MTMR12: variants seen among roughly 807,000 people sequenced by gnomAD.
MTMR12 encodes myotubularin-related protein 12.
MTMR12 carries 33 observed loss-of-function variants against 96.7 expected under a neutral mutation model. The observed-to-expected ratio is 0.34, with a 90% CI of 0.26 to 0.46. The LOEUF is 0.46. Ranked by LOEUF, MTMR12 falls within the 20% of genes least tolerant of loss-of-function variation. The pLI is 1.00. For missense variants in MTMR12, 721 were observed against 896.1 expected (o/e 0.80, Z 2.49); for synonymous variants, 298 against 327.2 (o/e 0.91, Z 0.96).
intron 1 of MTMR12, among the ~76,000 whole-genome samples, chr5:32,297,159 TATA>T (rs1249212794): frequency 6.6e-6 from 1 of 151,774 alleles, no homozygotes; most frequent in East Asian, 1.9e-4. Flanking sequence ...AAGTATTTAA[TATA>T]ATGTTTAACA....
intron 8 of MTMR12, among the ~76,000 whole-genome samples, chr5:32,251,127 C>T (rs1412700597): frequency 6.9e-6 from 1 of 145,004 alleles, no homozygotes; most frequent in Non-Finnish European, 1.5e-5. Flanking sequence ...GGGATCTCGG[C>T]TCACTGCAAG....
intron 1 of MTMR12, among the ~76,000 whole-genome samples, chr5:32,288,418 T>G (rs1483756051): frequency 6.6e-6 from 1 of 152,156 alleles, no homozygotes; most frequent in Non-Finnish European, 1.5e-5. Context: ...CAAGATAATG[T>G]TGATTCTCCT....
At position 32,228,642 on chromosome 5, in the gene MTMR12, A is replaced by T. The variant is rs1006264664; in HGVS notation, c.*1136T>A. ...GATATATATATATCACATATATATC[A>T]TATATATATCATTTAGACAGCAGAT... On this transcript the variant is annotated 3_prime_UTR_variant, in exon 16 of 16. Coordinates refer to ENST00000382142, the MANE Select transcript of MTMR12 (RefSeq NM_001040446.3). 2.8e-5 allele frequency: 4 copies of T among 143,968 alleles called. No homozygotes were observed. The highest frequency in any genetic ancestry group is 1.0e-4 in the African/African-American group (4 of 39,152). The allele number at this position is 143,968 out of a possible 1,614,324, so 8.9% of individuals were successfully genotyped here.
intron 14 of MTMR12, 117 bp downstream of exon 14, chr5:32,234,845 T>G: frequency 1.1e-6 from 1 of 941,822 alleles, no homozygotes; most frequent in Non-Finnish European, 1.6e-6. Flanking sequence ...TATTCCAACT[T>G]TGTTTAGTGT....
chr5:32,272,895 G>C (rs1450530832), intron 3 of MTMR12, among the ~76,000 whole-genome samples: 2 of 152,144 alleles, frequency 1.3e-5, no homozygotes, highest in African/African-American at 2.4e-5. Context: ...CAAGCCCAAG[G>C]CCAGATGGAA....
intron 7 of MTMR12, among the ~76,000 whole-genome samples, chr5:32,260,463 C>A (rs1478241853): frequency 6.6e-6 from 1 of 151,810 alleles, no homozygotes. Context: ...CAAATGCCAA[C>A]TGATTAGTAT....
chr5:32,231,028 T>C (rs1226078009), intron 15 of MTMR12, among the ~76,000 whole-genome samples: 2 of 152,200 alleles, frequency 1.3e-5, no homozygotes, highest in African/African-American at 4.8e-5. Flanking sequence ...TTTCACATTT[T>C]CATATTTCCC....
chr5:32,263,341 A>G (rs760442081), intron 6 of MTMR12, 99 bp from the exon 7 acceptor site: 87 of 1,425,624 alleles, frequency 6.1e-5, no homozygotes, highest in Non-Finnish European at 8.0e-5. Flanking sequence ...TTCCTCCACT[A>G]AGCCCATTTT....
At chr5:32,237,107 C>T (rs961829126) in intron 13 of MTMR12, among the ~76,000 whole-genome samples, 2 of 152,228 alleles carry the variant, frequency 1.3e-5, no homozygotes, top group Non-Finnish European at 1.5e-5. Context: ...CGATCAGGAG[C>T]CATGGCTCTG....
chr5:32,263,308 A>T (rs547347538), intron 6 of MTMR12, 66 bp from the exon 7 acceptor site: 2 of 1,592,506 alleles, frequency 1.3e-6, no homozygotes, highest in Admixed American at 1.7e-5. Context: ...TTATTATGTG[A>T]AAGTCCCTCC....
At chr5:32,302,852 T>G (rs897877586) in intron 1 of MTMR12, among the ~76,000 whole-genome samples, 71 of 152,184 alleles carry the variant, frequency 4.7e-4, no homozygotes, top group African/African-American at 1.6e-3. Flanking sequence ...CATTGGAATT[T>G]TAAATATAAC....
intron 4 of MTMR12, 59 bp from the exon 5 acceptor site, chr5:32,271,006 C>A: frequency 6.6e-7 from 1 of 1,524,770 alleles, no homozygotes; most frequent in Admixed American, 2.0e-5. Context: ...TAAGTGAATG[C>A]TAAAGAAATG....
At chr5:32,265,165 C>T (rs1749541674) in intron 6 of MTMR12, among the ~76,000 whole-genome samples, 1 of 152,174 alleles carries the variant, frequency 6.6e-6, no homozygotes, top group African/African-American at 2.4e-5. Flanking sequence ...TGCGAAACAC[C>T]CACCTCTACA....
intron 12 of MTMR12, among the ~76,000 whole-genome samples, chr5:32,241,600 C>T (rs1269605553): frequency 1.3e-5 from 2 of 152,170 alleles, no homozygotes; most frequent in Non-Finnish European, 2.9e-5. Flanking sequence ...GCATCATGTA[C>T]AGCGAGTTAA....
chr5:32,305,769 G>A (rs1751332429), intron 1 of MTMR12, among the ~76,000 whole-genome samples: 1 of 152,128 alleles, frequency 6.6e-6, no homozygotes, highest in African/African-American at 2.4e-5. Context: ...AGAGTGTAGT[G>A]GTGCATGCCT....
chr5:32,304,994 T>G (rs1751300233), intron 1 of MTMR12, among the ~76,000 whole-genome samples: 1 of 152,174 alleles, frequency 6.6e-6, no homozygotes, highest in Non-Finnish European at 1.5e-5. Context: ...ACCAATGACC[T>G]CCACGCTCAA....
chr5:32,311,256 C>T (rs543054268), intron 1 of MTMR12, among the ~76,000 whole-genome samples: 103 of 152,220 alleles, frequency 6.8e-4, no homozygotes, highest in African/African-American at 2.4e-3. Flanking sequence ...AGAAATTGAC[C>T]ACATTGCTTA....
chr5:32,241,061 T>A (rs1421587111), intron 12 of MTMR12, among the ~76,000 whole-genome samples: 1 of 152,224 alleles, frequency 6.6e-6, no homozygotes, highest in African/African-American at 2.4e-5. Context: ...AGTCAAAGAT[T>A]CAAATTTCAC....
intron 1 of MTMR12, among the ~76,000 whole-genome samples, chr5:32,284,863 G>A (rs2112116262): frequency 6.6e-6 from 1 of 152,272 alleles, no homozygotes; most frequent in East Asian, 1.9e-4. Flanking sequence ...AACTAACTCT[G>A]AAAATTATGG....
Sources: allele counts gnomAD v4.1 joint callset (sites outside exome capture counted in the v4.1 genomes callset), GRCh38; gene constraint gnomAD v4.1.1; transcripts MANE v1.5; gene names NCBI Gene and HGNC (gene_info 2026-07-23, HGNC 2026-07-21).